GSAP: variants seen among roughly 807,000 people sequenced by gnomAD.
The protein encoded by GSAP is gamma-secretase activating protein, also known as gamma-secretase-activating protein.
GSAP carries 118 observed loss-of-function variants against 131.7 expected under a neutral mutation model. The observed-to-expected ratio is 0.90, with a 90% CI of 0.77 to 1.04. The LOEUF is 1.04. Ranked by LOEUF, GSAP falls within the 50% of genes least tolerant of loss-of-function variation. The probability of loss-of-function intolerance (pLI) is 0.00; values close to 1 mark genes in which losing one functional copy is unlikely to be tolerated. For synonymous variants in GSAP, 381 were observed against 363.4 expected, an observed-to-expected ratio of 1.05 and a Z score of -0.55; for missense variants, 1,019 against 1,013.2, an observed-to-expected ratio of 1.01 and a Z score of -0.08.
chr7:77,416,295 G>T lies in GSAP; in HGVS notation c.27C>A (p.Phe9Leu). 1 of 1,496,720 alleles carries T rather than the reference G, an allele frequency of 6.7e-7. No homozygotes were observed. Among genetic ancestry groups the T allele is most frequent in the Non-Finnish European group, 8.9e-7 (1 of 1,124,710 alleles). The allele number at this position is 1,496,720 out of a possible 1,614,324, so 92.7% of individuals were successfully genotyped here. MALRLVAD[F>L]DLGKDVLPWL... The stretch of plus-strand genomic sequence containing the variant: ...ACGGGAGCACGTCCTTCCCGAGGTC[G>T]AAGTCGGCGACCAGGCGAAGAGCCA... The change falls in exon 1 of 31, where the codon TTC becomes TTA. Residue 9 changes from phenylalanine (F) to leucine (L), a missense_variant. Transcript: ENST00000257626.
chr7:77,362,801 G>T, intron 12 of GSAP, 141 bp from the exon 13 acceptor site: 1 of 589,352 alleles, frequency 1.7e-6, no homozygotes, highest in Non-Finnish European at 3.1e-6. Context: ...TCCTAGAAGT[G>T]GTCTATTAAC....
chr7:77,321,336 T>C lies in GSAP; in HGVS notation c.1991A>G (p.His664Arg), dbSNP rs1230588051. The change falls in exon 25 of 31, where the codon CAC becomes CGC. Residue 664 changes from histidine (H) to arginine (R), a missense_variant. Physicochemically the swap from His to Arg is conservative, Grantham distance 29. Transcript: ENST00000257626. ...AAAGTGAGAAATACTTGCGTACAAG[T>C]GGAGAACCCAGGAATGAAGATTATG... is the stretch of plus-strand genomic sequence containing the variant. ...RKHNLHSWVLHFNSRGSAAEF... is the reference protein window; with the variant it reads ...RKHNLHSWVLRFNSRGSAAEF... 6.3e-7 allele frequency: 1 copy of C among 1,582,506 alleles called. No homozygotes were observed. The highest frequency in any genetic ancestry group is 8.7e-7 in the Non-Finnish European group (1 of 1,151,242).
chr7:77,405,911 C>G lies in GSAP; in HGVS notation c.186+118G>C, dbSNP rs1802184079. The stretch of plus-strand genomic sequence containing the variant: ...GTCATATGTTAAGATTAAATGCCAA[C>G]AAGTTTATTCATTACCCTTCAATAA... On this transcript the variant is annotated intron_variant, in intron 2 of 30. Coordinates refer to ENST00000257626, the MANE Select transcript of GSAP (RefSeq NM_017439.4). 1.1e-5 allele frequency: 4 copies of G among 358,406 alleles called. No homozygotes were observed. In the South Asian group the frequency reaches 1.2e-4, roughly 11 times the overall value. The allele number at this position is 358,406 out of a possible 1,614,324, so 22.2% of individuals were successfully genotyped here.
intron 5 of GSAP, among the ~76,000 whole-genome samples, chr7:77,394,026 T>C (rs1171829592): frequency 6.6e-6 from 1 of 152,160 alleles, no homozygotes; most frequent in Non-Finnish European, 1.5e-5. Flanking sequence ...ACACAGCCAC[T>C]TAGCCCTTGC....
intron 17 of GSAP, 141 bp from the exon 18 acceptor site, chr7:77,353,167 ATTTT>A: frequency 5.0e-6 from 3 of 604,022 alleles, no homozygotes; most frequent in Non-Finnish European, 5.9e-6. Context: ...AACCATCATG[ATTTT>A]ATCTACTGAC....
chr7:77,311,305 G>A lies in GSAP; in HGVS notation c.*53C>T. The A allele has an allele frequency of 1.0e-6, 1 of 999,432 alleles. No individual in the cohort carries two copies. Among genetic ancestry groups the A allele is most frequent in the Admixed American group, 1.8e-5 (1 of 56,992 alleles). 61.9% of individuals were successfully genotyped at this position (999,432 alleles called of 1,614,324 possible). A position where few individuals can be genotyped will look rare whatever the true frequency, so the allele number is the denominator to read the frequency against. On this transcript the variant is annotated 3_prime_UTR_variant, in exon 31 of 31. Transcript: ENST00000257626. ...TGTTAAAGAATTCTCAAAGGAGTAA[G>A]GTTAATGAGCAAGATTAAAATGGCA...
chr7:77,383,875 T>C (rs1798143766), intron 6 of GSAP, among the ~76,000 whole-genome samples: 1 of 152,254 alleles, frequency 6.6e-6, no homozygotes, highest in Non-Finnish European at 1.5e-5. Flanking sequence ...TATTATTTCC[T>C]AGTGTCCTAC....
chr7:77,330,445 C>T, intron 19 of GSAP, 78 bp from the exon 20 acceptor site: 6 of 1,525,222 alleles, frequency 3.9e-6, no homozygotes, highest in Non-Finnish European at 5.3e-6. Context: ...TTACACAAGC[C>T]TTATTTCCCG....
chr7:77,367,738 ATCC>A (rs1175326396), intron 12 of GSAP, among the ~76,000 whole-genome samples: 1 of 152,160 alleles, frequency 6.6e-6, no homozygotes, highest in African/African-American at 2.4e-5. Flanking sequence ...GGAAGAGTCC[ATCC>A]TCCTCAATTT....
chr7:77,355,493 G>C, intron 15 of GSAP, 62 bp downstream of exon 15: 1 of 1,493,210 alleles, frequency 6.7e-7, no homozygotes, highest in Non-Finnish European at 9.2e-7. Context: ...CCCAAACATA[G>C]ATATTAAAGT....
intron 26 of GSAP, chr7:77,315,235 G>A (rs1328695689): frequency 6.6e-6 from 1 of 152,246 alleles, no homozygotes; most frequent in African/African-American, 2.4e-5. Context: ...GTGGAAATGA[G>A]TGCGGACAGT....
chr7:77,411,660 G>T (rs1424408544), intron 1 of GSAP, among the ~76,000 whole-genome samples: 1 of 152,174 alleles, frequency 6.6e-6, no homozygotes, highest in Non-Finnish European at 1.5e-5. Flanking sequence ...TAGTTGGAAA[G>T]ATCCAATATT....
At chr7:77,335,173 G>A (rs957235763) in intron 19 of GSAP, among the ~76,000 whole-genome samples, 11 of 152,140 alleles carry the variant, frequency 7.2e-5, no homozygotes, top group Admixed American at 3.3e-4. Context: ...GCCAAGATGC[G>A]TGGATCACTT....
At chr7:77,314,756 A>G in intron 26 of GSAP, 1 of 300,682 alleles carries the variant, frequency 3.3e-6, no homozygotes, top group Non-Finnish European at 6.4e-6. Context: ...GGCCTGCTCA[A>G]TGGTTTTACG....
At chr7:77,382,446 A>G (rs879109216) in intron 7 of GSAP, 128 bp downstream of exon 7, 12 of 580,598 alleles carry the variant, frequency 2.1e-5, no homozygotes, top group Middle Eastern at 5.4e-4. Context: ...CAGGTCTCAT[A>G]TGGACATCAA....
rs916086365 is a variant in GSAP, at chr7:77,376,452, G to A, written c.741+396C>T. Among the ~76,000 whole-genome samples the A allele has an allele frequency of 5.3e-5, 8 of 152,276 alleles. No individual in the cohort carries two copies. In the South Asian group the frequency reaches 6.2e-4, roughly 12 times the overall value. ...ACACAACCATCAGGAATGCTAAAGC[G>A]CTGCTTATGATAACAATTCTCTTAA... On this transcript the variant is annotated intron_variant, in intron 10 of 30. Coordinates refer to ENST00000257626, the MANE Select transcript of GSAP (RefSeq NM_017439.4).
At chr7:77,371,184 C>T (rs911511205) in intron 12 of GSAP, among the ~76,000 whole-genome samples, 1 of 152,190 alleles carries the variant, frequency 6.6e-6, no homozygotes, top group Non-Finnish European at 1.5e-5. Context: ...TCCACCAAAA[C>T]CCCTATAACC....
chr7:77,385,408 T>G (rs1798417704), intron 6 of GSAP, among the ~76,000 whole-genome samples: 1 of 152,216 alleles, frequency 6.6e-6, no homozygotes, highest in Non-Finnish European at 1.5e-5. Context: ...ATACAATTTT[T>G]GGTAGATTTT....
At chr7:77,387,280 A>T in intron 6 of GSAP, 80 bp downstream of exon 6, 2 of 763,876 alleles carry the variant, frequency 2.6e-6, no homozygotes, top group Non-Finnish European at 4.7e-6. Flanking sequence ...ATAGAGTGAA[A>T]GTACTTTGTA....
Sources: gnomAD v4.1 joint callset for allele counts (sites outside exome capture counted in the v4.1 genomes callset) on GRCh38, gnomAD v4.1.1 for gene constraint, MANE v1.5 for transcripts, NCBI Gene and HGNC (gene_info 2026-07-23, HGNC 2026-07-21) for gene names.